The following ENOSF1 variants were observed in gnomAD, a reference collection of about 807,000 sequenced individuals.
The protein encoded by ENOSF1 is mitochondrial enolase superfamily member 1.
In ENOSF1, 73 loss-of-function variants were observed where a neutral mutation model predicts 68.2. That is an observed-to-expected ratio of 1.07 (90% CI 0.89 to 1.30). The LOEUF is 1.30. Ranked by LOEUF, ENOSF1 falls within the 50% of genes most tolerant of loss-of-function variation. ENOSF1 has a pLI of 0.00. For missense variants in ENOSF1, 589 were observed against 554.5 expected, an observed-to-expected ratio of 1.06 and a Z score of -0.62; for synonymous variants, 223 against 210.4, an observed-to-expected ratio of 1.06 and a Z score of -0.52.
intron 12 of ENOSF1, chr18:678,190 C>T (rs2075705012): frequency 3.2e-6 from 1 of 309,426 alleles, no homozygotes; most frequent in Non-Finnish European, 6.1e-6. Flanking sequence ...GGATGAAATA[C>T]GGTGACAGTG....
chr18:708,242 CCT>C (rs2079148453), intron 1 of ENOSF1, among the ~76,000 whole-genome samples: 1 of 152,082 alleles, frequency 6.6e-6, no homozygotes, highest in Admixed American at 6.6e-5. Context: ...GGCTGGGAGC[CCT>C]GAGTCTGGTA....
chr18:694,977 A>G (rs963701050), intron 3 of ENOSF1, among the ~76,000 whole-genome samples: 5 of 152,206 alleles, frequency 3.3e-5, no homozygotes, highest in African/African-American at 1.2e-4. Context: ...TTTCTTACAT[A>G]ACCGTAGTAC....
chr18:691,289 CA>C lies in ENOSF1; in HGVS notation c.424-14del, dbSNP rs2077139466. ...GCATCCTGGGATCCTGGCAACGTGA[CA>C]GGAGGGGAAGAGGCCTGAATCAATT... On this transcript the variant is annotated splice_polypyrimidine_tract_variant and intron_variant, in intron 5 of 15. Coordinates refer to ENST00000647584, the MANE Select transcript of ENOSF1 (RefSeq NM_017512.7). The C allele has an allele frequency of 3.7e-6, 6 of 1,610,478 alleles. No individual in the cohort carries two copies. Among genetic ancestry groups the C allele is most frequent in the Non-Finnish European group, 4.2e-6 (5 of 1,177,224 alleles).
intron 11 of ENOSF1, among the ~76,000 whole-genome samples, chr18:682,315 T>G (rs1191891274): frequency 6.6e-6 from 1 of 152,182 alleles, no homozygotes; most frequent in Non-Finnish European, 1.5e-5. Flanking sequence ...CTGTACAGCA[T>G]GCTACTGTTC....
At position 674,111 on chromosome 18, in the gene ENOSF1, T is replaced by C. The variant is rs903065408; in HGVS notation, c.*194A>G. The C allele has an allele frequency of 4.0e-6, 2 of 495,922 alleles. No homozygotes were observed. Among genetic ancestry groups the C allele is most frequent in the Non-Finnish European group, 7.1e-6 (2 of 280,850 alleles). The allele number at this position is 495,922 out of a possible 1,614,324, so 30.7% of individuals were successfully genotyped here. On this transcript the variant is annotated 3_prime_UTR_variant, in exon 16 of 16. Coordinates refer to ENST00000647584, the MANE Select transcript of ENOSF1 (RefSeq NM_017512.7). ...GTTAAATCTAAACTTATTTAAGGAT[T>C]AAGTAGGATAACGTGCATTGATTTG...
intron 2 of ENOSF1, among the ~76,000 whole-genome samples, chr18:700,384 C>T (rs529868660): frequency 8.5e-5 from 13 of 152,254 alleles, no homozygotes; most frequent in Admixed American, 3.3e-4. Context: ...ACCAAACCAC[C>T]GTCTCAAGGA....
At chr18:687,931 C>G (rs937557351) in intron 9 of ENOSF1, 2 of 152,454 alleles carry the variant, frequency 1.3e-5, no homozygotes, top group African/African-American at 4.8e-5. Context: ...CTTTGGGAGG[C>G]TGAGGCAGGC....
chr18:692,677 A>C, intron 5 of ENOSF1: 1 of 983,604 alleles, frequency 1.0e-6, no homozygotes, highest in Non-Finnish European at 1.2e-6. Context: ...CCAAAAATGG[A>C]GGGTCCACAG....
At chr18:666,931 GGT>G (rs1308476607), downstream of ENOSF1, among the ~76,000 whole-genome samples, 84 of 60,342 alleles carry the variant, frequency 1.4e-3, 10 homozygotes, top group African/African-American at 3.7e-3. Flanking sequence ...AGATGGTGAT[GGT>G]GATGGAGATG....
Position 706,450 on chromosome 18 carries a change from C to A in ENOSF1, c.193+20G>T. 1 of 1,508,842 alleles carries A rather than the reference C, an allele frequency of 6.6e-7. No individual in the cohort carries two copies. Among genetic ancestry groups the A allele is most frequent in the South Asian group, 1.1e-5 (1 of 89,046 alleles). The allele number at this position is 1,508,842 out of a possible 1,614,324, so 93.5% of individuals were successfully genotyped here. On this transcript the variant is annotated intron_variant, in intron 2 of 15. Transcript: ENST00000647584. ...CTGAAAATTAAGCATTCTGGAACCT[C>A]GAGAGAATCTTCAACTCACCAACTT...
At chr18:702,745 A>G (rs1197042647) in intron 2 of ENOSF1, among the ~76,000 whole-genome samples, 1 of 152,222 alleles carries the variant, frequency 6.6e-6, no homozygotes, top group Non-Finnish European at 1.5e-5. Context: ...TCTCAAATAA[A>G]TTAATAAATA....
intron 11 of ENOSF1, 144 bp downstream of exon 11, chr18:683,102 T>C: frequency 1.0e-6 from 1 of 974,548 alleles, no homozygotes; most frequent in Non-Finnish European, 1.5e-6. Flanking sequence ...AACCCCTGTA[T>C]TTGTCACACA....
chr18:693,101 C>T, intron 5 of ENOSF1: 1 of 1,288,944 alleles, frequency 7.8e-7, no homozygotes, highest in South Asian at 1.2e-5. Context: ...TCACAGCCAG[C>T]TCTGCATGGG....
chr18:663,086 G>A, the ENOSF1 span, among the ~76,000 whole-genome samples: 1 of 99,644 alleles, frequency 1.0e-5, no homozygotes, highest in African/African-American at 6.3e-5. Context: ...CTGAGGAATC[G>A]CCACACTGAC....
chr18:710,756 C>T (rs767035295), intron 1 of ENOSF1, among the ~76,000 whole-genome samples: 1 of 152,164 alleles, frequency 6.6e-6, no homozygotes, highest in African/African-American at 2.4e-5. Context: ...TATTATTATA[C>T]CCATTTTACA....
At chr18:697,768 TA>T (rs1414006379) in intron 2 of ENOSF1, among the ~76,000 whole-genome samples, 5 of 152,186 alleles carry the variant, frequency 3.3e-5, no homozygotes, top group Admixed American at 1.3e-4. Flanking sequence ...ATATTCTTTT[TA>T]AAATTGCATC....
intron 2 of ENOSF1, among the ~76,000 whole-genome samples, chr18:701,438 C>T (rs1356264676): frequency 1.3e-5 from 2 of 151,128 alleles, no homozygotes; most frequent in Non-Finnish European, 2.9e-5. Context: ...GAACCTAAAA[C>T]TACTCTAAAA....
chr18:704,699 A>C lies in ENOSF1; in HGVS notation c.193+1771T>G, dbSNP rs529953144. The stretch of plus-strand genomic sequence containing the variant: ...CGGCTCACTGCAAACTCCAACTCCC[A>C]GGTTCAAGCAATTCTCGTGCTTCAG... On this transcript the variant is annotated intron_variant, in intron 2 of 15. Transcript: ENST00000647584. Among the ~76,000 whole-genome samples the C allele has an allele frequency of 7.1e-4, 104 of 147,178 alleles. 1 individual carries two copies. Among genetic ancestry groups the C allele is most frequent in the African/African-American group, 2.6e-3 (103 of 39,504 alleles).
Position 712,318 on chromosome 18 carries a change from GT to G in ENOSF1, c.84+185del. On this transcript the variant is annotated intron_variant, in intron 1 of 15. Coordinates refer to ENST00000647584, the MANE Select transcript of ENOSF1 (RefSeq NM_017512.7). ...GCTGCCCGGGGCCCGCAGAGCTGCA[GT>G]CGGCGGGGCGGGAGGGACCCGGGCC... 14 of 1,474,790 alleles carry G rather than the reference GT, an allele frequency of 9.5e-6. 5 individuals are homozygous for G. Among genetic ancestry groups the G allele is most frequent in the South Asian group, 8.5e-5 (7 of 82,206 alleles). 91.4% of individuals were successfully genotyped at this position (1,474,790 alleles called of 1,614,324 possible).
Sources: allele counts gnomAD v4.1 joint callset (sites outside exome capture counted in the v4.1 genomes callset), GRCh38; gene constraint gnomAD v4.1.1; transcripts MANE v1.5; gene names NCBI Gene and HGNC (gene_info 2026-07-23, HGNC 2026-07-21).